The following MYCBP2 variants were observed in gnomAD, a reference collection of about 807,000 sequenced individuals.
The protein encoded by MYCBP2 is E3 ubiquitin-protein ligase MYCBP2.
A neutral mutation model predicts 525.3 loss-of-function variants in MYCBP2; 120 were observed. That is an observed-to-expected ratio of 0.23 (90% CI 0.20 to 0.27). The LOEUF is 0.27. MYCBP2 is among the 10% of genes least tolerant of loss of function. The pLI is 1.00. For missense variants in MYCBP2, 4,149 were observed against 5,657.1 expected (o/e 0.73, Z 8.55); for synonymous variants, 1,894 against 1,955.8 (o/e 0.97, Z 0.83).
chr13:77,185,900 A>C lies in MYCBP2; in HGVS notation c.4415T>G (p.Val1472Gly), dbSNP rs776621716. 12 of 1,609,624 alleles carry C rather than the reference A, an allele frequency of 7.5e-6. No homozygotes were observed. In the Admixed American group the frequency reaches 2.0e-4, roughly 27 times the overall value. The change falls in exon 31 of 83, where the codon GTC (valine) becomes GGC (glycine). Residue 1472 changes from valine (V) to glycine (G), a missense_variant. Val to Gly is a moderately radical substitution (Grantham distance 109, BLOSUM62 -3). Transcript: ENST00000544440. ...CACTGGGTAAATTTCACAGGTATAG[A>C]CACGCAATAACCTCAGACAACAGGT... The part of the protein sequence containing the change: ...VGTCCLRLLR[V>G]YTCEIYPVSA...
At position 77,255,202 on chromosome 13, in the gene MYCBP2, A is replaced by G. The variant is rs139522142; in HGVS notation, c.2176+2469T>C. ...CGAATGAAAAATCTATGTTTTCCAT[A>G]GTTGCTGTACTAATTTACATTTCCA... On this transcript the variant is annotated intron_variant, in intron 14 of 82. Coordinates refer to ENST00000544440, the MANE Select transcript of MYCBP2 (RefSeq NM_015057.5). Among the ~76,000 whole-genome samples the G allele has an allele frequency of 1.7e-3, 256 of 152,098 alleles. 2 individuals carry two copies. The highest frequency in any genetic ancestry group is 6.0e-3 in the African/African-American group (250 of 41,542).
intron 1 of MYCBP2, among the ~76,000 whole-genome samples, chr13:77,299,137 T>C (rs1349310974): frequency 1.3e-5 from 2 of 152,158 alleles, no homozygotes; most frequent in East Asian, 1.9e-4. Flanking sequence ...TCAAAATTTA[T>C]TCCAAACCAA....
intron 82 of MYCBP2, among the ~76,000 whole-genome samples, chr13:77,046,320 T>C (rs1566254733): frequency 1.3e-5 from 2 of 152,164 alleles, no homozygotes; most frequent in African/African-American, 2.4e-5. Flanking sequence ...CCCTATTTAA[T>C]AGTAGATGAA....
At chr13:77,193,442 G>C (rs910214361) in intron 27 of MYCBP2, among the ~76,000 whole-genome samples, 3 of 151,970 alleles carry the variant, frequency 2.0e-5, no homozygotes, top group Non-Finnish European at 4.4e-5. Flanking sequence ...AAACCTACAA[G>C]GTTTTCCTAA....
chr13:77,182,957 G>GT (rs746633226), intron 32 of MYCBP2, among the ~76,000 whole-genome samples: 12 of 152,082 alleles, frequency 7.9e-5, no homozygotes, highest in Non-Finnish European at 1.6e-4. Context: ...TTCCTGAGAG[G>GT]TTTTCATCAT....
intron 43 of MYCBP2, among the ~76,000 whole-genome samples, chr13:77,163,574 T>G (rs890139556): frequency 6.6e-6 from 1 of 152,182 alleles, no homozygotes; most frequent in Admixed American, 6.5e-5. Flanking sequence ...TTTACTCCCT[T>G]GATTATAGAT....
chr13:77,115,682 C>CG (rs1395560230), intron 55 of MYCBP2, among the ~76,000 whole-genome samples: 2 of 149,218 alleles, frequency 1.3e-5, no homozygotes, highest in African/African-American at 4.9e-5. Context: ...AACTATGATT[C>CG]GGAAAAAAAA....
At chr13:77,153,200 T>C (rs1057306160) in intron 46 of MYCBP2, among the ~76,000 whole-genome samples, 6 of 152,124 alleles carry the variant, frequency 3.9e-5, no homozygotes, top group Admixed American at 2.6e-4. Context: ...AAAAAGGCTG[T>C]CATGCTGATT....
intron 62 of MYCBP2, among the ~76,000 whole-genome samples, chr13:77,084,144 C>CTTGTA (rs922333249): frequency 6.6e-6 from 1 of 152,102 alleles, no homozygotes; most frequent in African/African-American, 2.4e-5. Flanking sequence ...AATGAATCAA[C>CTTGTA]TTGTATATCT....
intron 18 of MYCBP2, among the ~76,000 whole-genome samples, chr13:77,232,762 T>C (rs540693579): frequency 3.3e-5 from 5 of 152,190 alleles, no homozygotes; most frequent in African/African-American, 1.2e-4. Context: ...TTTAGTAATA[T>C]TGTTTATCCT....
chr13:77,081,957 C>A lies in MYCBP2; in HGVS notation c.11073G>T (p.Gln3691His). The change falls in exon 64 of 83, where the codon CAG becomes CAT. Residue 3691 changes from glutamine (Q) to histidine (H), a missense_variant. Gln to His is a conservative substitution (Grantham distance 24). Transcript: ENST00000544440. This position sits in a 1 kb window ranked among gnomAD's most constrained non-coding sequence, Gnocchi z 4.6. ...GAAAGACGTTGCTCTGATGAAGGAA[C>A]TGGTGATCAGATTGCTTGAATTTGA... ...WSLKFKQSDH[Q>H]FLHQSNVFHH... The A allele has an allele frequency of 6.2e-7, 1 of 1,613,438 alleles. No individual in the cohort carries two copies. Among genetic ancestry groups the A allele is most frequent in the East Asian group, 2.2e-5 (1 of 44,824 alleles).
chr13:77,176,016 A>C, intron 36 of MYCBP2, among the ~76,000 whole-genome samples: 1 of 116,728 alleles, frequency 8.6e-6, no homozygotes, highest in East Asian at 2.4e-4. Context: ...CAAAACAAAA[A>C]CACTTTTTTT....
At chr13:77,313,458 C>T (rs754115266) in intron 1 of MYCBP2, among the ~76,000 whole-genome samples, 5 of 151,888 alleles carry the variant, frequency 3.3e-5, no homozygotes, top group Non-Finnish European at 5.9e-5. Context: ...AGAAACAAAC[C>T]TTACACCCTT....
chr13:77,201,415 G>A (rs188962631), intron 26 of MYCBP2, among the ~76,000 whole-genome samples: 3,659 of 151,836 alleles, frequency 0.024, 74 homozygotes, highest in Non-Finnish European at 0.037. Flanking sequence ...GACCTACAAA[G>A]AGACTTAGAC....
rs1238928635 is a variant in MYCBP2 at position 77,260,580 on chromosome 13, C to T, written c.1865G>A (p.Arg622Gln). The change falls in exon 13 of 83, where the codon CGG becomes CAG. Residue 622 changes from arginine (R) to glutamine (Q), a missense_variant. Coordinates refer to ENST00000544440, the MANE Select transcript of MYCBP2 (RefSeq NM_015057.5). ...TTTAGGTTTATAAGGTTTGGATTGC[C>T]GTCTGCTCTTAGCTTTAAAAAAGAA... Reference protein sequence around the residue: ...GEDGESTKSRRQSKPYKPKKI... With the variant: ...GEDGESTKSRQQSKPYKPKKI... 7.5e-6 allele frequency: 12 copies of T among 1,600,504 alleles called. No individual in the cohort carries two copies. Among genetic ancestry groups the T allele is most frequent in the Admixed American group, 1.8e-5 (1 of 56,896 alleles).
intron 52 of MYCBP2, chr13:77,129,209 C>G (rs2052284244): frequency 7.5e-6 from 3 of 397,898 alleles, no homozygotes; most frequent in Non-Finnish European, 1.3e-5. Context: ...TCCCTGACTC[C>G]TTGGCTAGCA....
chr13:77,157,825 A>G, intron 45 of MYCBP2, 112 bp downstream of exon 45: 2 of 890,662 alleles, frequency 2.2e-6, no homozygotes, highest in Non-Finnish European at 3.5e-6. Flanking sequence ...TTAAACATAC[A>G]TAAACCAGAC....
intron 1 of MYCBP2, among the ~76,000 whole-genome samples, chr13:77,307,129 TA>T (rs1045928494): frequency 6.6e-6 from 1 of 152,034 alleles, no homozygotes; most frequent in Non-Finnish European, 1.5e-5. Flanking sequence ...ATAAAAAGGC[TA>T]AAAATATGTC....
At chr13:77,112,738 C>T (rs755467829) in intron 55 of MYCBP2, among the ~76,000 whole-genome samples, 1 of 152,198 alleles carries the variant, frequency 6.6e-6, no homozygotes, top group Non-Finnish European at 1.5e-5. Flanking sequence ...TACGCCTGGT[C>T]TGCATCCCCT....
Sources: allele counts gnomAD v4.1 joint callset (sites outside exome capture counted in the v4.1 genomes callset), GRCh38; gene constraint gnomAD v4.1.1; non-coding constraint Gnocchi (gnomAD v3.1); transcripts MANE v1.5; gene names NCBI Gene and HGNC (gene_info 2026-07-23, HGNC 2026-07-21).